PTPRN2: variants seen among roughly 807,000 people sequenced by gnomAD.
PTPRN2 encodes receptor-type tyrosine-protein phosphatase N2.
In PTPRN2, 74 loss-of-function variants were observed where a neutral mutation model predicts 118.8. That is an observed-to-expected ratio of 0.62 (90% confidence interval 0.52 to 0.76). The LOEUF (loss-of-function observed/expected upper bound fraction) is 0.76. Ranked by LOEUF, PTPRN2 falls within the 30% of genes least tolerant of loss-of-function variation. The pLI, the probability that PTPRN2 is intolerant of heterozygous loss-of-function variation, is 0.00. For missense variants in PTPRN2, 1,481 were observed against 1,394.4 expected, an observed-to-expected ratio of 1.06 and a Z score of -0.99; for synonymous variants, 641 against 608.0, an observed-to-expected ratio of 1.05 and a Z score of -0.80.
intron 12 of PTPRN2, among the ~76,000 whole-genome samples, chr7:157,709,244 G>T (rs1798480115): frequency 6.6e-6 from 1 of 152,236 alleles, no homozygotes; most frequent in Admixed American, 6.5e-5. Flanking sequence ...ACGTGCCACA[G>T]ATCAATACGA....
At chr7:158,353,488 C>T (rs1219883949) in intron 2 of PTPRN2, among the ~76,000 whole-genome samples, 1 of 152,194 alleles carries the variant, frequency 6.6e-6, no homozygotes, top group African/African-American at 2.4e-5. Flanking sequence ...TATTAAAGGA[C>T]AATGAGAAAA....
intron 12 of PTPRN2, among the ~76,000 whole-genome samples, chr7:157,816,257 C>T (rs1806392145): frequency 6.6e-6 from 1 of 152,220 alleles, no homozygotes; most frequent in Admixed American, 6.5e-5. Flanking sequence ...GCCCCGCCTC[C>T]CTGGGCCATG....
At position 157,590,972 on chromosome 7, in the gene PTPRN2, T is replaced by A. The variant is rs1370685863; in HGVS notation, c.2496+4266A>T. Among the ~76,000 whole-genome samples the A allele has an allele frequency of 1.3e-5, 2 of 152,140 alleles. No homozygotes were observed. Among genetic ancestry groups the A allele is most frequent in the African/African-American group, 2.4e-5 (1 of 41,428 alleles). On this transcript the variant is annotated intron_variant, in intron 17 of 22. Transcript: ENST00000389418. This position sits in a 1 kb window ranked among gnomAD's most constrained non-coding sequence, Gnocchi z 4.0. ...CTGGGTAGAATCATGTACCCCCAAA[T>A]CCATGTCCACCTGGAACCCATGAAT...
chr7:157,660,793 C>T (rs1230817557), intron 13 of PTPRN2, among the ~76,000 whole-genome samples: 2 of 152,164 alleles, frequency 1.3e-5, no homozygotes, highest in Non-Finnish European at 2.9e-5. Context: ...CTCGCTCTGT[C>T]GCCCAGGCTG....
intron 12 of PTPRN2, among the ~76,000 whole-genome samples, chr7:157,713,582 C>T (rs1053143557): frequency 1.3e-5 from 2 of 152,156 alleles, no homozygotes; most frequent in African/African-American, 2.4e-5. Flanking sequence ...GTGTGACGCC[C>T]GGCTCCCTCC....
intron 11 of PTPRN2, among the ~76,000 whole-genome samples, chr7:158,016,380 G>A (rs1016391871): frequency 6.6e-6 from 1 of 152,332 alleles, no homozygotes; most frequent in Admixed American, 6.5e-5. Context: ...GGAGTGGGCT[G>A]TGAGTGTAAG....
intron 2 of PTPRN2, among the ~76,000 whole-genome samples, chr7:158,477,887 C>G (rs1181086126): frequency 6.6e-6 from 1 of 152,222 alleles, no homozygotes; most frequent in African/African-American, 2.4e-5. Context: ...CCATGGGGAC[C>G]AAGCTGCCCC....
chr7:157,875,974 C>A (rs541457574), intron 12 of PTPRN2, among the ~76,000 whole-genome samples: 22 of 146,204 alleles, frequency 1.5e-4, no homozygotes, highest in African/African-American at 5.4e-4. Flanking sequence ...ATCCCCAGGG[C>A]AGGCACGGGG....
intron 1 of PTPRN2, among the ~76,000 whole-genome samples, chr7:158,511,555 T>C (rs1823181544): frequency 6.6e-6 from 1 of 152,214 alleles, no homozygotes; most frequent in Admixed American, 6.5e-5. Flanking sequence ...CATACCTGTC[T>C]CTGTAGACAT....
chr7:158,361,900 C>CCTCTTCCCAG (rs1431382761), intron 2 of PTPRN2, among the ~76,000 whole-genome samples: 2 of 152,216 alleles, frequency 1.3e-5, no homozygotes, highest in African/African-American at 4.8e-5. Flanking sequence ...CCCTCATCCC[C>CCTCTTCCCAG]CTCTTCCCAG....
chr7:158,173,009 A>G (rs985256383), intron 5 of PTPRN2, among the ~76,000 whole-genome samples: 3 of 147,940 alleles, frequency 2.0e-5, no homozygotes, highest in Non-Finnish European at 4.5e-5. Flanking sequence ...CACCAATATC[A>G]TCTTCACCAT....
chr7:157,801,014 T>TAC lies in PTPRN2; in HGVS notation c.1788+97657_1788+97658dup, dbSNP rs1381349888. ...ACATATATATACACACATATACATA[T>TAC]ACACACACATATATATACACATATA... On this transcript the variant is annotated intron_variant, in intron 12 of 22. Transcript: ENST00000389418. The surrounding 1 kb of genome is among the most constrained non-coding windows in gnomAD (Gnocchi z 4.2). Among the ~76,000 whole-genome samples the TAC allele has an allele frequency of 6.7e-6, 1 of 150,372 alleles. No homozygotes were observed. The highest frequency in any genetic ancestry group is 6.7e-5 in the Admixed American group (1 of 14,996).
intron 14 of PTPRN2, among the ~76,000 whole-genome samples, chr7:157,655,773 T>G (rs768243357): frequency 2.6e-5 from 4 of 152,074 alleles, no homozygotes; most frequent in African/African-American, 9.7e-5. Flanking sequence ...GGACATTCAT[T>G]ATGTATGGAG....
At chr7:157,700,966 G>T (rs1424255229) in intron 12 of PTPRN2, among the ~76,000 whole-genome samples, 1 of 152,110 alleles carries the variant, frequency 6.6e-6, no homozygotes, top group Non-Finnish European at 1.5e-5. Flanking sequence ...ATCATTTCAC[G>T]CATGTGCACA....
chr7:158,322,550 C>T (rs1803119871), intron 2 of PTPRN2, among the ~76,000 whole-genome samples: 1 of 151,826 alleles, frequency 6.6e-6, no homozygotes, highest in Admixed American at 6.6e-5. Flanking sequence ...CAGGAGGGAG[C>T]AGCTCCGTGC....
chr7:158,329,994 G>C (rs113662101), intron 2 of PTPRN2, among the ~76,000 whole-genome samples: 1 of 150,948 alleles, frequency 6.6e-6, no homozygotes, highest in Non-Finnish European at 1.5e-5. Flanking sequence ...GCTCACGCCC[G>C]CAGACGACAC....
chr7:158,118,683 A>C (rs922040651), intron 9 of PTPRN2, among the ~76,000 whole-genome samples: 1 of 152,208 alleles, frequency 6.6e-6, no homozygotes, highest in African/African-American at 2.4e-5. Context: ...ATTAACTATA[A>C]GCATAAACAT....
At chr7:158,130,437 C>G (rs1818087638) in intron 9 of PTPRN2, among the ~76,000 whole-genome samples, 1 of 137,136 alleles carries the variant, frequency 7.3e-6, no homozygotes, top group African/African-American at 2.8e-5. Flanking sequence ...CACACACGTA[C>G]ATACAGATAC....
chr7:158,137,467 G>A (rs1818928273), intron 7 of PTPRN2, among the ~76,000 whole-genome samples: 1 of 152,110 alleles, frequency 6.6e-6, no homozygotes, highest in Admixed American at 6.5e-5. Flanking sequence ...TACTTTCAGT[G>A]CCCAAAGGTG....
Sources: gnomAD v4.1 joint callset for allele counts (sites outside exome capture counted in the v4.1 genomes callset) on GRCh38, gnomAD v4.1.1 for gene constraint, Gnocchi (gnomAD v3.1) non-coding constraint, MANE v1.5 for transcripts, NCBI Gene and HGNC (gene_info 2026-07-23, HGNC 2026-07-21) for gene names.